Variants in SLC25A40 observed in about 807,000 individuals in gnomAD.
The protein encoded by SLC25A40 is solute carrier family 25 member 40.
A neutral mutation model predicts 46.5 loss-of-function variants in SLC25A40; 41 were observed. The ratio of observed to expected loss-of-function variants is 0.88; its 90% CI spans 0.69 to 1.14. SLC25A40 has a LOEUF of 1.14. SLC25A40 is among the 50% of genes most tolerant of loss of function. The pLI, the probability that SLC25A40 is intolerant of heterozygous loss-of-function variation, is 0.00. For synonymous variants in SLC25A40, 126 were observed against 127.5 expected, an observed-to-expected ratio of 0.99 and a Z score of 0.08; for missense variants, 386 against 393.6, an observed-to-expected ratio of 0.98 and a Z score of 0.16.
At chr7:87,874,833 A>G (rs1838957607) in intron 1 of SLC25A40, among the ~76,000 whole-genome samples, 1 of 152,164 alleles carries the variant, frequency 6.6e-6, no homozygotes, top group African/African-American at 2.4e-5. Context: ...TCTCTTCCCA[A>G]TTCTGTGGCA....
intron 5 of SLC25A40, among the ~76,000 whole-genome samples, chr7:87,851,210 A>T (rs1260273482): frequency 6.6e-6 from 1 of 152,280 alleles, no homozygotes; most frequent in African/African-American, 2.4e-5. Flanking sequence ...TGAATAAATT[A>T]AATGTAATAT....
chr7:87,854,283 A>G lies in SLC25A40; in HGVS notation c.185T>C (p.Leu62Pro). Residue 62 changes from leucine to proline, a missense_variant, in exon 5 of 12, where the codon CTC becomes CCC. Transcript: ENST00000341119. ...TTCACAGACACATAGATGATCCATG[A>G]GTCCATTACTATATACAAAACATTT... is the stretch of plus-strand genomic sequence containing the variant. ...KGKCFVYSNGLMDHLCVCEEG... is the reference protein window; with the variant it reads ...KGKCFVYSNGPMDHLCVCEEG... The G allele has an allele frequency of 6.2e-7, 1 of 1,612,310 alleles. No individual in the cohort carries two copies. The highest frequency in any genetic ancestry group is 8.5e-7 in the Non-Finnish European group (1 of 1,178,720).
chr7:87,863,788 C>A (rs1047153902), intron 1 of SLC25A40, among the ~76,000 whole-genome samples: 8 of 152,100 alleles, frequency 5.3e-5, no homozygotes, highest in African/African-American at 1.9e-4. Context: ...ACTCAACGAT[C>A]AAACACTAGG....
chr7:87,836,173 A>C lies in SLC25A40; in HGVS notation c.*76T>G, dbSNP rs1321624454. ...GACATAAAATCATTGTGAGAGAATAATGGTGAAAAACATTCTTGCCTAAGA... is the reference window on the plus strand; with the variant it reads ...GACATAAAATCATTGTGAGAGAATACTGGTGAAAAACATTCTTGCCTAAGA... On this transcript the variant is annotated 3_prime_UTR_variant, in exon 12 of 12. Transcript: ENST00000341119. 8 of 806,890 alleles carry C rather than the reference A, an allele frequency of 9.9e-6. No individual in the cohort carries two copies. Among genetic ancestry groups the C allele is most frequent in the African/African-American group, 1.8e-5 (1 of 54,822 alleles). The allele number at this position is 806,890 out of a possible 1,614,324, so 50.0% of individuals were successfully genotyped here. A position where few individuals can be genotyped will look rare whatever the true frequency, so the allele number is the denominator to read the frequency against.
rs1462848509 is a variant in SLC25A40 at position 87,833,707 on chromosome 7, G to GGTTT, written c.*2538_*2541dup. 2.0e-5 allele frequency: 3 copies of GGTTT among 151,824 alleles called. No individual in the cohort carries two copies. The highest frequency in any genetic ancestry group is 4.8e-5 in the African/African-American group (2 of 41,384). The allele number at this position is 151,824 out of a possible 1,614,324, so 9.4% of individuals were successfully genotyped here. On this transcript the variant is annotated 3_prime_UTR_variant, in exon 12 of 12. Transcript: ENST00000341119. ...ATTTAAGTTTAGGGGTACATATGCA[G>GGTTT]GTTTGTTACACAGGTAAACTTTTGT... is the stretch of plus-strand genomic sequence containing the variant.
At chr7:87,854,118 C>T in intron 5 of SLC25A40, 86 bp downstream of exon 5, 2 of 913,878 alleles carry the variant, frequency 2.2e-6, no homozygotes, top group African/African-American at 1.7e-5. Flanking sequence ...TAATATGATT[C>T]TTAACCCTCT....
chr7:87,844,941 A>T (rs1838388589), intron 8 of SLC25A40, among the ~76,000 whole-genome samples: 1 of 152,020 alleles, frequency 6.6e-6, no homozygotes. Context: ...AGGGAAGAAA[A>T]ATAAGGTGAC....
In SLC25A40 at chr7:87,846,994, A is replaced by C; in HGVS notation, c.586T>G (p.Trp196Gly). 4 of 1,613,758 alleles carry C rather than the reference A, an allele frequency of 2.5e-6. No individual in the cohort carries two copies. Among genetic ancestry groups the C allele is most frequent in the Non-Finnish European group, 3.4e-6 (4 of 1,179,806 alleles). ...AGAACAGTAGGAGCCCAGCCCCTCC[A>C]AAGGGAAATCCAACCATCTTCAGAT... is the stretch of plus-strand genomic sequence containing the variant. ...KVSEDGWISL[W>G]RGWAPTVLRD... The change falls in exon 8 of 12, where the codon TGG becomes GGG. Residue 196 changes from tryptophan to glycine, a missense_variant. Physicochemically the swap from Trp to Gly is radical, Grantham distance 184 (BLOSUM62 -2). Coordinates refer to ENST00000341119, the MANE Select transcript of SLC25A40 (RefSeq NM_018843.4).
In SLC25A40 at chr7:87,846,948, C is replaced by T. The variant is rs142638453; in HGVS notation, c.631+1G>A. On this transcript the variant is annotated splice_donor_variant, in intron 8 of 11. Transcript: ENST00000341119. LOFTEE classifies it high-confidence loss of function. ...GTAGCTACAAATAAGATAAATCCTACCTGAGAAAGGTACATCTCTAAGAAC... is the reference window on the plus strand; with the variant it reads ...GTAGCTACAAATAAGATAAATCCTATCTGAGAAAGGTACATCTCTAAGAAC... 6.3e-7 allele frequency: 1 copy of T among 1,594,206 alleles called. No individual in the cohort carries two copies. Among genetic ancestry groups the T allele is most frequent in the Non-Finnish European group, 8.5e-7 (1 of 1,172,126 alleles).
At chr7:87,853,853 A>ATTCT (rs10626586) in intron 5 of SLC25A40, among the ~76,000 whole-genome samples, 21,841 of 152,086 alleles carry the variant, frequency 0.14, 2,489 homozygotes, top group African/African-American at 0.32. Context: ...TAATGAAATT[A>ATTCT]TTATTTTAAT....
In SLC25A40 at chr7:87,843,787, C is replaced by T; in HGVS notation, c.708G>A (p.Met236Ile). ...ACAATGCCCCTGAAGTAAAGTTGAT[C>T]ATAAATGTTGGCTCATATAAACCAG... Reference protein sequence around the residue: ...EKSGLYEPTFMINFTSGALSG... With the variant: ...EKSGLYEPTFIINFTSGALSG... Residue 236 changes from methionine (M) to isoleucine (I), a missense_variant, in exon 9 of 12, where the codon ATG becomes ATA. Transcript: ENST00000341119. The T allele has an allele frequency of 6.2e-7, 1 of 1,611,066 alleles. No homozygotes were observed. The highest frequency in any genetic ancestry group is 8.5e-7 in the Non-Finnish European group (1 of 1,178,130).
At chr7:87,873,411 C>G (rs1252110041) in intron 1 of SLC25A40, among the ~76,000 whole-genome samples, 1 of 149,632 alleles carries the variant, frequency 6.7e-6, no homozygotes, top group African/African-American at 2.5e-5. Flanking sequence ...TAAGTAAATT[C>G]TAGCATAGAA....
At chr7:87,837,449 T>C (rs561922317) in intron 10 of SLC25A40, among the ~76,000 whole-genome samples, 19 of 151,398 alleles carry the variant, frequency 1.3e-4, no homozygotes, top group African/African-American at 4.6e-4. Context: ...GATACGCTAT[T>C]CTTGAAATAA....
rs1838245000 is a variant in SLC25A40 at position 87,835,484 on chromosome 7, A to G, written c.*765T>C. On this transcript the variant is annotated 3_prime_UTR_variant, in exon 12 of 12. Coordinates refer to ENST00000341119, the MANE Select transcript of SLC25A40 (RefSeq NM_018843.4). Reference sequence around the variant, plus strand: ...AACTATTTTTACCAGTCTAAATACTATATGGTTTACCACTGAACACCCAAG... The same window carrying G: ...AACTATTTTTACCAGTCTAAATACTGTATGGTTTACCACTGAACACCCAAG... The G allele has an allele frequency of 6.6e-6, 1 of 151,634 alleles. No homozygotes were observed. The highest frequency in any genetic ancestry group is 2.4e-5 in the African/African-American group (1 of 41,390). 9.4% of individuals were successfully genotyped at this position (151,634 alleles called of 1,614,324 possible). A position where few individuals can be genotyped will look rare whatever the true frequency, so the allele number is the denominator to read the frequency against.
chr7:87,865,393 G>A (rs1274683225), intron 1 of SLC25A40, among the ~76,000 whole-genome samples: 1 of 152,140 alleles, frequency 6.6e-6, no homozygotes, highest in African/African-American at 2.4e-5. Context: ...GGCCGCAGTA[G>A]CTATCACAGT....
intron 1 of SLC25A40, among the ~76,000 whole-genome samples, chr7:87,875,003 G>C (rs1230197143): frequency 6.6e-6 from 1 of 151,962 alleles, no homozygotes; most frequent in Admixed American, 6.6e-5. Flanking sequence ...TAAACATTTT[G>C]TGCTCTCTGT....
chr7:87,856,381 G>C (rs552325985), intron 3 of SLC25A40, 30 bp from the exon 4 acceptor site: 2 of 1,530,564 alleles, frequency 1.3e-6, no homozygotes, highest in Non-Finnish European at 1.8e-6. Flanking sequence ...TTCAATTAGC[G>C]AGTGGTATCT....
chr7:87,843,756 A>G lies in SLC25A40; in HGVS notation c.739T>C (p.Ser247Pro). 1 of 1,598,864 alleles carries G rather than the reference A, an allele frequency of 6.3e-7. No individual in the cohort carries two copies. The highest frequency in any genetic ancestry group is 8.6e-7 in the Non-Finnish European group (1 of 1,168,354). Residue 247 changes from serine to proline, a missense_variant and splice_region_variant, in exon 9 of 12, where the codon TCT becomes CCT. Physicochemically the swap from Ser to Pro is moderately conservative, Grantham distance 74. Coordinates refer to ENST00000341119, the MANE Select transcript of SLC25A40 (RefSeq NM_018843.4). ...TAACAACAAAAGAATAAACTTACAGAACCAGACAATGCCCCTGAAGTAAAG... is the reference window on the plus strand; with the variant it reads ...TAACAACAAAAGAATAAACTTACAGGACCAGACAATGCCCCTGAAGTAAAG... ...INFTSGALSG[S>P]FAAVATLPFD... is the part of the protein sequence containing the mutation.
At chr7:87,840,713 T>C (rs1838318832) in intron 10 of SLC25A40, among the ~76,000 whole-genome samples, 1 of 151,822 alleles carries the variant, frequency 6.6e-6, no homozygotes, top group South Asian at 2.1e-4. Flanking sequence ...AGAACCCTAA[T>C]ATAATAAAAT....
Sources: allele counts gnomAD v4.1 joint callset (sites outside exome capture counted in the v4.1 genomes callset), GRCh38; gene constraint gnomAD v4.1.1; transcripts MANE v1.5; gene names NCBI Gene and HGNC (gene_info 2026-07-23, HGNC 2026-07-21).